The following SLC16A7 variants were observed in gnomAD, a reference collection of about 807,000 sequenced individuals.
SLC16A7 encodes monocarboxylate transporter 2.
In SLC16A7, 33 loss-of-function variants were observed where a neutral mutation model predicts 34.9. That is an observed-to-expected ratio of 0.94 (90% confidence interval 0.72 to 1.26). The LOEUF is 1.26. SLC16A7 is among the 50% of genes most tolerant of loss of function. SLC16A7 has a pLI of 0.00. For missense variants in SLC16A7, 573 were observed against 578.1 expected (o/e 0.99, Z 0.09); for synonymous variants, 201 against 206.6 (o/e 0.97, Z 0.23).
At chr12:59,631,769 A>G (rs1880193494) in intron 1 of SLC16A7, among the ~76,000 whole-genome samples, 1 of 152,012 alleles carries the variant, frequency 6.6e-6, no homozygotes, top group African/African-American at 2.4e-5. Flanking sequence ...AAGTGAGAAC[A>G]TGCAGTCTTT....
chr12:59,766,539 A>G (rs1881653571), intron 3 of SLC16A7, among the ~76,000 whole-genome samples: 1 of 152,178 alleles, frequency 6.6e-6, no homozygotes, highest in South Asian at 2.1e-4. Context: ...TTTTAGCATG[A>G]AGGATTGTTG....
At chr12:59,703,631 G>A (rs1460334054) in intron 2 of SLC16A7, among the ~76,000 whole-genome samples, 1 of 151,974 alleles carries the variant, frequency 6.6e-6, no homozygotes, top group East Asian at 1.9e-4. Flanking sequence ...AACATTTTAG[G>A]GATAGGGCCT....
At chr12:59,609,402 G>A (rs1219449070) in intron 1 of SLC16A7, among the ~76,000 whole-genome samples, 1 of 152,170 alleles carries the variant, frequency 6.6e-6, no homozygotes, top group Non-Finnish European at 1.5e-5. Context: ...GGGACCTGCA[G>A]TAGTTGTTTT....
chr12:59,759,963 T>C (rs1039603894), intron 3 of SLC16A7, among the ~76,000 whole-genome samples: 3 of 141,766 alleles, frequency 2.1e-5, no homozygotes, highest in African/African-American at 7.8e-5. Context: ...CTGATCTTCA[T>C]GGCCATAGAG....
At chr12:59,611,950 C>G (rs573593928) in intron 1 of SLC16A7, among the ~76,000 whole-genome samples, 1 of 152,366 alleles carries the variant, frequency 6.6e-6, no homozygotes, top group African/African-American at 2.4e-5. Flanking sequence ...GTCACAGGTG[C>G]TTTCACTGGC....
chr12:59,786,068 G>T lies in SLC16A7; in HGVS notation c.*6389G>T, dbSNP rs1883598633. On this transcript the variant is annotated 3_prime_UTR_variant, in exon 6 of 6. Transcript: ENST00000547379. ...GGGGAGGGGGGAGGGATAGCATTGG[G>T]AGATATACCTAATGCTAGGTGACGA... 1.3e-5 allele frequency: 2 copies of T among 150,986 alleles called. No individual in the cohort carries two copies. Among genetic ancestry groups the T allele is most frequent in the African/African-American group, 4.9e-5 (2 of 41,106 alleles). 9.4% of individuals were successfully genotyped at this position (150,986 alleles called of 1,614,324 possible). A position where few individuals can be genotyped will look rare whatever the true frequency, so the allele number is the denominator to read the frequency against.
chr12:59,615,030 A>G (rs1006821737), intron 1 of SLC16A7, among the ~76,000 whole-genome samples: 20 of 151,032 alleles, frequency 1.3e-4, no homozygotes, highest in African/African-American at 4.9e-4. Flanking sequence ...AAATAAATAA[A>G]TAAATAAATA....
At chr12:59,766,912 G>T (rs1343308265) in intron 3 of SLC16A7, among the ~76,000 whole-genome samples, 1 of 152,100 alleles carries the variant, frequency 6.6e-6, no homozygotes, top group East Asian at 1.9e-4. Flanking sequence ...AATGGTACCA[G>T]TTCCTCCTTG....
chr12:59,604,536 G>A (rs1224956701), intron 1 of SLC16A7, among the ~76,000 whole-genome samples: 1 of 152,176 alleles, frequency 6.6e-6, no homozygotes, highest in East Asian at 1.9e-4. Context: ...TGGCTATTAA[G>A]TAAAGTTATA....
At chr12:59,705,440 T>A (rs1307124317) in intron 3 of SLC16A7, among the ~76,000 whole-genome samples, 1 of 152,136 alleles carries the variant, frequency 6.6e-6, no homozygotes, top group Non-Finnish European at 1.5e-5. Flanking sequence ...AGTACATCAC[T>A]TTAAGCTGCA....
chr12:59,647,854 G>T (rs1007014087), intron 1 of SLC16A7, among the ~76,000 whole-genome samples: 1 of 151,828 alleles, frequency 6.6e-6, no homozygotes, highest in Non-Finnish European at 1.5e-5. Flanking sequence ...ATCAGCCTGG[G>T]CAACATGGTG....
At chr12:59,603,218 T>C (rs1878773763) in intron 1 of SLC16A7, among the ~76,000 whole-genome samples, 1 of 152,164 alleles carries the variant, frequency 6.6e-6, no homozygotes, top group African/African-American at 2.4e-5. Context: ...CCACCTCTGG[T>C]CTCTCACCCT....
At chr12:59,614,501 A>G (rs1433411712) in intron 1 of SLC16A7, among the ~76,000 whole-genome samples, 1 of 152,180 alleles carries the variant, frequency 6.6e-6, no homozygotes, top group Non-Finnish European at 1.5e-5. Flanking sequence ...ATTTCATTAC[A>G]TAATCAAACT....
chr12:59,614,054 CT>C (rs373589268), intron 1 of SLC16A7, among the ~76,000 whole-genome samples: 4,531 of 136,668 alleles, frequency 0.033, 143 homozygotes, highest in African/African-American at 0.11. Flanking sequence ...GAATGAGAGC[CT>C]TTTTTTTTTT....
chr12:59,687,636 AT>A (rs1871261384), intron 2 of SLC16A7, among the ~76,000 whole-genome samples: 1 of 152,036 alleles, frequency 6.6e-6, no homozygotes, highest in Non-Finnish European at 1.5e-5. Flanking sequence ...AATAACAGAT[AT>A]TTATTTCTTG....
intron 3 of SLC16A7, among the ~76,000 whole-genome samples, chr12:59,756,722 G>C (rs1732217787): frequency 7.3e-6 from 1 of 136,484 alleles, no homozygotes; most frequent in South Asian, 2.6e-4. Context: ...TCTAGAACTA[G>C]AAATACCATT....
At chr12:59,698,575 A>AT (rs1872564914) in intron 2 of SLC16A7, among the ~76,000 whole-genome samples, 1 of 151,828 alleles carries the variant, frequency 6.6e-6, no homozygotes, top group South Asian at 2.1e-4. Flanking sequence ...GTACAGTTTC[A>AT]GTCTTTTGAT....
intron 3 of SLC16A7, among the ~76,000 whole-genome samples, chr12:59,765,103 T>A (rs1592674330): frequency 6.6e-6 from 1 of 152,344 alleles, no homozygotes; most frequent in East Asian, 1.9e-4. Flanking sequence ...CATTTTTTCA[T>A]GTGTTTTTTG....
intron 3 of SLC16A7, among the ~76,000 whole-genome samples, chr12:59,739,299 T>G (rs952366922): frequency 1.4e-5 from 2 of 141,672 alleles, no homozygotes; most frequent in African/African-American, 5.3e-5. Flanking sequence ...CGGTGTTTGG[T>G]TTTTTGTTCT....
Sources: allele counts gnomAD v4.1 joint callset (sites outside exome capture counted in the v4.1 genomes callset), GRCh38; gene constraint gnomAD v4.1.1; transcripts MANE v1.5; gene names NCBI Gene and HGNC (gene_info 2026-07-23, HGNC 2026-07-21).